The following ZNF124 variants were observed in gnomAD, a reference collection of about 807,000 sequenced individuals.
The protein encoded by ZNF124 is zinc finger protein HZF-16.
Under a neutral mutation model 26.6 loss-of-function variants are expected in ZNF124, and 25 were observed. The ratio of observed to expected loss-of-function variants is 0.94; its 90% confidence interval spans 0.68 to 1.31. ZNF124 has a LOEUF of 1.31. Ranked by LOEUF, ZNF124 falls within the 40% of genes most tolerant of loss-of-function variation. The pLI, the probability that ZNF124 is intolerant of heterozygous loss-of-function variation, is 0.00. For synonymous variants in ZNF124, 129 were observed against 133.3 expected, an observed-to-expected ratio of 0.97 and a Z score of 0.22; for missense variants, 444 against 422.2, an observed-to-expected ratio of 1.05 and a Z score of -0.45.
chr1:247,156,443 A>C lies in ZNF124; in HGVS notation c.*123T>G. 7.4e-7 allele frequency: 1 copy of C among 1,342,386 alleles called. No homozygotes were observed. Among genetic ancestry groups the C allele is most frequent in the Non-Finnish European group, 9.6e-7 (1 of 1,046,984 alleles). The allele number at this position is 1,342,386 out of a possible 1,614,324, so 83.2% of individuals were successfully genotyped here. On this transcript the variant is annotated 3_prime_UTR_variant, in exon 4 of 4. Transcript: ENST00000543802. ...AGTCATAGGGTTTATCTCCAGTTTG[A>C]TTCGTTTCATGTATTTGAGGAAATC...
At chr1:247,135,624 T>G (rs1038396309) in intron 3 of ZNF124, among the ~76,000 whole-genome samples, 1 of 152,168 alleles carries the variant, frequency 6.6e-6, no homozygotes, top group Non-Finnish European at 1.5e-5. Flanking sequence ...ATACCATTCC[T>G]TCTGAAACTA....
intron 1 of ZNF124, among the ~76,000 whole-genome samples, chr1:247,162,947 C>T (rs1360582620): frequency 6.6e-6 from 1 of 152,108 alleles, no homozygotes; most frequent in Non-Finnish European, 1.5e-5. Context: ...TAATGGACAC[C>T]TACAGAACTC....
At chr1:247,159,576 A>C in intron 2 of ZNF124, 111 bp downstream of exon 2, 2 of 1,147,052 alleles carry the variant, frequency 1.7e-6, no homozygotes, top group Non-Finnish European at 2.5e-6. Context: ...TCCATGCCTC[A>C]TTCACTCATC....
chr1:247,124,719 TTG>T (rs769103093), intron 3 of ZNF124, among the ~76,000 whole-genome samples: 3 of 152,140 alleles, frequency 2.0e-5, no homozygotes, highest in East Asian at 1.9e-4. Context: ...TATGTGGGGT[TTG>T]TGTGTGTGTG....
chr1:247,158,720 C>T (rs1019089829), intron 3 of ZNF124, among the ~76,000 whole-genome samples: 1 of 152,028 alleles, frequency 6.6e-6, no homozygotes. Context: ...ACCTCCGCCT[C>T]CCAGGTTCAA....
chr1:247,169,004 AT>A (rs1280951343), intron 1 of ZNF124, among the ~76,000 whole-genome samples: 283 of 152,220 alleles, frequency 1.9e-3, no homozygotes, highest in African/African-American at 6.6e-3. Context: ...AACATTAAAA[AT>A]TTTTTTAATT....
chr1:247,157,634 C>A (rs1673227775), intron 3 of ZNF124: 2 of 576,066 alleles, frequency 3.5e-6, no homozygotes, highest in Admixed American at 6.2e-5. Flanking sequence ...TCTGAACTTA[C>A]ACTGCTACCA....
rs1430421990 is a variant in ZNF124 at position 247,156,754 on chromosome 1, A to AGGGTTTCTGTGCAATATGAGTTTTCTC, written c.841_867dup (p.Glu281_Pro289dup). On this transcript the variant is annotated inframe_insertion, in exon 4 of 4. Transcript: ENST00000543802. The stretch of plus-strand genomic sequence containing the variant: ...CCTTTACCACAATTGTTACATACAT[A>AGGGTTTCTGTGCAATATGAGTTTTCTC]GGGTTTCTGTGCAATATGAGTTTTC... 6.2e-7 allele frequency: 1 copy of AGGGTTTCTGTGCAATATGAGTTTTCTC among 1,613,126 alleles called. No homozygotes were observed. The highest frequency in any genetic ancestry group is 8.5e-7 in the Non-Finnish European group (1 of 1,179,700).
At chr1:247,144,685 T>C (rs916641728) in intron 3 of ZNF124, among the ~76,000 whole-genome samples, 3 of 152,182 alleles carry the variant, frequency 2.0e-5, no homozygotes, top group African/African-American at 7.2e-5. Flanking sequence ...TTGAACTCTC[T>C]GAAAGCCCGC....
rs141579615 is a variant in ZNF124 at position 247,130,479 on chromosome 1, C to T, written c.219-6608G>A. Reference sequence around the variant, plus strand: ...GCATCAGTTCCACCTTTGTGCCGAGCGGAGATTCTGTGACAGTGGATGACT... The same window carrying T: ...GCATCAGTTCCACCTTTGTGCCGAGTGGAGATTCTGTGACAGTGGATGACT... On this transcript the variant is annotated intron_variant, in intron 3 of 3. Transcript: ENST00000472531. 9.7e-4 allele frequency among the ~76,000 whole-genome samples: 147 copies of T among 152,294 alleles called. No homozygotes were observed. In the East Asian group the frequency reaches 0.01, roughly 11 times the overall value.
At chr1:247,162,368 TCA>T (rs971938246) in intron 1 of ZNF124, among the ~76,000 whole-genome samples, 4 of 152,142 alleles carry the variant, frequency 2.6e-5, no homozygotes, top group Non-Finnish European at 5.9e-5. Flanking sequence ...GAGACCCATC[TCA>T]CATGCAATGA....
intron 3 of ZNF124, chr1:247,157,630 C>T (rs1673227647): frequency 1.7e-6 from 1 of 579,648 alleles, no homozygotes; most frequent in Non-Finnish European, 3.1e-6. Context: ...TAAGTCTGAA[C>T]TTACACTGCT....
At chr1:247,166,696 T>G (rs1673799634) in intron 1 of ZNF124, among the ~76,000 whole-genome samples, 1 of 152,200 alleles carries the variant, frequency 6.6e-6, no homozygotes, top group African/African-American at 2.4e-5. Flanking sequence ...ACACACAGTG[T>G]ACCAAGAATG....
At position 247,165,257 on chromosome 1, in the gene ZNF124, C is replaced by T. The variant is rs545085819; in HGVS notation, c.31-5444G>A. 9.2e-5 allele frequency among the ~76,000 whole-genome samples: 14 copies of T among 152,250 alleles called. No homozygotes were observed. The East Asian group carries it at 1.7e-3, about 19-fold the overall frequency. On this transcript the variant is annotated intron_variant, in intron 1 of 3. Coordinates refer to ENST00000543802, the MANE Select transcript of ZNF124 (RefSeq NM_001297568.2). ...CTGGGATTACAGGCGTGAGCCACTG[C>T]GCCTGGCCAACCATCTGATTTTTGA...
Position 247,159,724 on chromosome 1 carries a change from G to A in ZNF124, c.120C>T (p.Asp40=), listed in dbSNP as rs373920526. The part of the protein sequence containing the change: ...LDPSQKNLYR[D]VMQETFRNLA... ...GATTCCTGAAGGTTTCCTGCATCAC[G>A]TCTCTATAGAGATTCTTCTGGGAAG... The change falls in exon 2 of 4, where the codon GAC becomes GAT. Residue 40 remains aspartate, a synonymous_variant. Coordinates refer to ENST00000543802, the MANE Select transcript of ZNF124 (RefSeq NM_001297568.2). 2.5e-5 allele frequency: 41 copies of A among 1,613,012 alleles called. No homozygotes were observed. Among genetic ancestry groups the A allele is most frequent in the East Asian group, 2.2e-5 (1 of 44,852 alleles).
chr1:247,164,656 G>C (rs1478918549), intron 1 of ZNF124, among the ~76,000 whole-genome samples: 1 of 151,726 alleles, frequency 6.6e-6, no homozygotes. Context: ...CATGCTCATT[G>C]ATAGGAAGAA....
downstream of ZNF124, among the ~76,000 whole-genome samples, chr1:247,150,924 A>C (rs1672915709): frequency 6.6e-6 from 1 of 152,032 alleles, no homozygotes; most frequent in Admixed American, 6.5e-5. Flanking sequence ...GAGCTTATTA[A>C]AATACAGAAA....
chr1:247,143,906 G>A (rs114677531), intron 3 of ZNF124, among the ~76,000 whole-genome samples: 218 of 152,264 alleles, frequency 1.4e-3, no homozygotes, highest in African/African-American at 3.1e-3. Flanking sequence ...ATCTACCCCC[G>A]TAGCCTCAGA....
At chr1:247,164,468 G>A (rs577855991) in intron 1 of ZNF124, among the ~76,000 whole-genome samples, 2 of 152,164 alleles carry the variant, frequency 1.3e-5, no homozygotes, top group Non-Finnish European at 2.9e-5. Flanking sequence ...TAATATCCAT[G>A]CAGAGAGCCA....
Sources: allele counts gnomAD v4.1 joint callset (sites outside exome capture counted in the v4.1 genomes callset), GRCh38; gene constraint gnomAD v4.1.1; transcripts MANE v1.5; gene names NCBI Gene and HGNC (gene_info 2026-07-23, HGNC 2026-07-21).